Variants in RLF observed in about 807,000 individuals in gnomAD.
RLF encodes RLF zinc finger, also known as zinc finger protein Rlf.
RLF carries 7 observed loss-of-function variants against 162.9 expected under a neutral mutation model. The observed-to-expected ratio is 0.04, with a 90% CI of 0.02 to 0.08. RLF has a LOEUF of 0.08. RLF is among the 10% of genes least tolerant of loss of function. RLF has a pLI of 1.00. For synonymous variants in RLF, 782 were observed against 791.5 expected (o/e 0.99, Z 0.20); for missense variants, 1,664 against 2,244.7 (o/e 0.74, Z 5.23).
intron 1 of RLF, among the ~76,000 whole-genome samples, chr1:40,176,352 C>T (rs1642325694): frequency 6.6e-6 from 1 of 152,246 alleles, no homozygotes. Flanking sequence ...AGTTTTCTAT[C>T]TCCTCACTAA....
chr1:40,205,645 A>G (rs1642781686), intron 5 of RLF, among the ~76,000 whole-genome samples: 1 of 151,802 alleles, frequency 6.6e-6, no homozygotes, highest in South Asian at 2.1e-4. Flanking sequence ...GCCCGCCACC[A>G]TGCCCGGCTA....
rs1643250047 is a variant in RLF at position 40,238,737 on chromosome 1, G to A, written c.4035G>A (p.Glu1345=). 3 of 1,613,768 alleles carry A rather than the reference G, an allele frequency of 1.9e-6. No homozygotes were observed. Among genetic ancestry groups the A allele is most frequent in the Non-Finnish European group, 2.5e-6 (3 of 1,179,818 alleles). The change falls in exon 8 of 8, where the codon GAG becomes GAA. Residue 1345 remains glutamate, a synonymous_variant. Coordinates refer to ENST00000372771, the MANE Select transcript of RLF (RefSeq NM_012421.4). This position sits in a 1 kb window ranked among gnomAD's most constrained non-coding sequence, Gnocchi z 5.2. The part of the protein sequence containing the change: ...HQYNKEQLCL[E]KDKARTKREL... ...ACAACAAAGAACAGTTATGTTTGGA[G>A]AAAGACAAAGCAAGAACCAAAAGGG...
chr1:40,222,823 GC>G, intron 6 of RLF, 113 bp downstream of exon 6: 2 of 787,182 alleles, frequency 2.5e-6, no homozygotes. Flanking sequence ...CCTGTGAATA[GC>G]TTCTTGCTTC....
intron 5 of RLF, among the ~76,000 whole-genome samples, chr1:40,206,699 C>T (rs777911947): frequency 1.6e-4 from 24 of 152,156 alleles, no homozygotes; most frequent in Non-Finnish European, 1.8e-4. Context: ...GTTCTCTCAC[C>T]TTATCTTGTA....
At chr1:40,178,187 TTC>T (rs1642353355) in intron 1 of RLF, among the ~76,000 whole-genome samples, 1 of 152,152 alleles carries the variant, frequency 6.6e-6, no homozygotes, top group South Asian at 2.1e-4. Context: ...AACCTATCCT[TTC>T]TCCACTGAAT....
chr1:40,185,517 TAA>T (rs769379758), intron 1 of RLF, among the ~76,000 whole-genome samples: 10 of 23,734 alleles, frequency 4.2e-4, no homozygotes, highest in African/African-American at 1.1e-3. Context: ...AATCTTGCAT[TAA>T]AAAAAAAAAA....
At chr1:40,194,302 G>C (rs1032998437) in intron 3 of RLF, among the ~76,000 whole-genome samples, 1 of 152,148 alleles carries the variant, frequency 6.6e-6, no homozygotes, top group South Asian at 2.1e-4. Context: ...GGCAGCCTGT[G>C]TGAATACTGC....
intron 7 of RLF, among the ~76,000 whole-genome samples, chr1:40,233,178 C>G (rs1643174755): frequency 6.6e-6 from 1 of 151,894 alleles, no homozygotes; most frequent in Admixed American, 6.6e-5. Context: ...ACTCTTGATC[C>G]CTCACCTTCC....
intron 4 of RLF, among the ~76,000 whole-genome samples, chr1:40,199,865 A>G (rs577308516): frequency 4.5e-4 from 69 of 152,338 alleles, no homozygotes; most frequent in African/African-American, 1.6e-3. Flanking sequence ...AATTACTAGG[A>G]CATAATAACT....
chr1:40,178,307 T>C (rs1318133601), intron 1 of RLF, among the ~76,000 whole-genome samples: 4 of 152,138 alleles, frequency 2.6e-5, no homozygotes, highest in East Asian at 1.9e-4. Flanking sequence ...CACACTCTTA[T>C]GTTGCATTTT....
At chr1:40,211,097 G>C (rs946845956) in intron 5 of RLF, among the ~76,000 whole-genome samples, 42 of 152,308 alleles carry the variant, frequency 2.8e-4, no homozygotes, top group African/African-American at 1.0e-3. Flanking sequence ...AGTGGCAGAG[G>C]TGAGTAGTTG....
chr1:40,205,474 T>TTTCC (rs1164391198), intron 5 of RLF, among the ~76,000 whole-genome samples: 9 of 150,590 alleles, frequency 6.0e-5, no homozygotes, highest in Non-Finnish European at 1.5e-5. Flanking sequence ...TATCGAACAT[T>TTTCC]TTCCTTCCTT....
chr1:40,161,687 A>G lies in RLF; in HGVS notation c.237+51A>G, dbSNP rs769528694. 2.5e-6 allele frequency: 4 copies of G among 1,596,294 alleles called. No homozygotes were observed. In the Admixed American group the frequency reaches 5.2e-5, roughly 21 times the overall value. On this transcript the variant is annotated intron_variant, in intron 1 of 7. Transcript: ENST00000372771. The surrounding 1 kb of genome is among the most constrained non-coding windows in gnomAD (Gnocchi z 4.4). ...GGCGGCGGGGCGGGGAAGTCAGGGA[A>G]GGAGGCCCTGGATCCTCTGTAAGCA... is the stretch of plus-strand genomic sequence containing the variant.
chr1:40,236,770 G>A lies in RLF; in HGVS notation c.2068G>A (p.Val690Met), dbSNP rs1449373013. 6.2e-7 allele frequency: 1 copy of A among 1,614,080 alleles called. No individual in the cohort carries two copies. The highest frequency in any genetic ancestry group is 1.1e-5 in the South Asian group (1 of 91,084). ...RVFKQFKYLS[V>M]HLKAEHQNND... ...GTTTAAGCAATTTAAATACTTAAGT[G>A]TGCATCTTAAAGCTGAACACCAAAA... is the stretch of plus-strand genomic sequence containing the variant. The change falls in exon 8 of 8, where the codon GTG becomes ATG. Residue 690 changes from valine (V) to methionine (M), a missense_variant. By Grantham distance (21) the Val-to-Met change is conservative. Transcript: ENST00000372771. The surrounding 1 kb of genome is among the most constrained non-coding windows in gnomAD (Gnocchi z 7.7).
chr1:40,235,181 G>A (rs1299593323), intron 7 of RLF, among the ~76,000 whole-genome samples: 1 of 149,838 alleles, frequency 6.7e-6, no homozygotes, highest in African/African-American at 2.5e-5. Context: ...TGCTGCCTCA[G>A]CCTCCGAGTA....
rs1642625606 is a variant in RLF, at chr1:40,195,665, A to C, written c.508A>C (p.Asn170His). The change falls in exon 4 of 8, where the codon AAT (asparagine) becomes CAT (histidine). Residue 170 changes from asparagine to histidine, a missense_variant. By Grantham distance (68) the Asn-to-His change is moderately conservative (BLOSUM62 1). This residue lies in a region of RLF where 287 missense variants were observed against 404.9 expected (regional missense o/e 0.71). Coordinates refer to ENST00000372771, the MANE Select transcript of RLF (RefSeq NM_012421.4). ...TGATGCATTATTGGAATTTGGGAAT[A>C]ATAACCTACAAATATTGGTTCATGT... ...SHDALLEFGN[N>H]NLQILVHVTK... 4.3e-6 allele frequency: 7 copies of C among 1,613,074 alleles called. No homozygotes were observed. Among genetic ancestry groups the C allele is most frequent in the South Asian group, 2.2e-5 (2 of 90,982 alleles).
At chr1:40,223,619 CGTCT>C (rs538980260) in intron 6 of RLF, among the ~76,000 whole-genome samples, 32 of 152,278 alleles carry the variant, frequency 2.1e-4, no homozygotes, top group Admixed American at 4.6e-4. Context: ...CCCTCTGGAT[CGTCT>C]GTCTATTTTT....
chr1:40,225,168 T>G (rs557247909), intron 6 of RLF, among the ~76,000 whole-genome samples: 2 of 152,232 alleles, frequency 1.3e-5, no homozygotes, highest in East Asian at 3.9e-4. Context: ...ACAATAAAGT[T>G]AAAATACAAT....
intron 2 of RLF, 47 bp downstream of exon 2, chr1:40,189,256 C>T (rs777496459): frequency 7.9e-6 from 12 of 1,510,022 alleles, no homozygotes; most frequent in Middle Eastern, 1.7e-4. Flanking sequence ...TACCATTGGT[C>T]GTGTTGTTTG....
Sources: gnomAD v4.1 joint callset for allele counts (sites outside exome capture counted in the v4.1 genomes callset) on GRCh38, gnomAD v4.1.1 for gene constraint, gnomAD v4.1.1 regional missense constraint, Gnocchi (gnomAD v3.1) non-coding constraint, MANE v1.5 for transcripts, NCBI Gene and HGNC (gene_info 2026-07-23, HGNC 2026-07-21) for gene names.